The following STIP1 variants were observed in gnomAD, a reference collection of about 807,000 sequenced individuals.
STIP1 encodes stress-induced-phosphoprotein 1.
STIP1 carries 16 observed loss-of-function variants against 77.4 expected under a neutral mutation model. The ratio of observed to expected loss-of-function variants is 0.21; its 90% CI spans 0.14 to 0.31. The LOEUF is 0.31. Among genes scored for constraint, STIP1 ranks in the 10% least tolerant of loss-of-function variants. The pLI, the probability that STIP1 is intolerant of heterozygous loss-of-function variation, is 1.00. For synonymous variants in STIP1, 258 were observed against 246.6 expected (o/e 1.05, Z -0.44); for missense variants, 524 against 684.8 (o/e 0.77, Z 2.62).
chr11:64,185,861 T>C, upstream of STIP1: 1 of 1,536,110 alleles, frequency 6.5e-7, no homozygotes, highest in African/African-American at 1.4e-5. Flanking sequence ...GGTGGAAATT[T>C]CCAGAACGAT....
chr11:64,195,936 CTTGCTGTG>C, intron 5 of STIP1, 123 bp downstream of exon 5: 1 of 1,392,116 alleles, frequency 7.2e-7, no homozygotes, highest in Admixed American at 2.2e-5. Context: ...GAGACGGAGT[CTTGCTGTG>C]TTTCCCAGGT....
chr11:64,191,521 G>T (rs763214120), intron 1 of STIP1, among the ~76,000 whole-genome samples: 51 of 152,106 alleles, frequency 3.4e-4, no homozygotes, highest in Non-Finnish European at 5.7e-4. Context: ...CAGGAGAATC[G>T]CTTGAACCTA....
Position 64,197,150 on chromosome 11 carries a change from A to G in STIP1, c.673-121A>G, listed in dbSNP as rs985332603. 4.5e-6 allele frequency: 6 copies of G among 1,344,458 alleles called. No individual in the cohort carries two copies. In the African/African-American group the frequency reaches 5.9e-5, roughly 13 times the overall value. The allele number at this position is 1,344,458 out of a possible 1,614,324, so 83.3% of individuals were successfully genotyped here. ...ATAGCTGACTGATGAAGAGGCCTTC[A>G]GGAGAACTTGATAGAATTCTATTCA... On this transcript the variant is annotated intron_variant, in intron 5 of 13. Transcript: ENST00000305218.
At position 64,204,323 on chromosome 11, in the gene STIP1, C is replaced by T. The variant is rs761832631; in HGVS notation, c.*197C>T. 3.6e-5 allele frequency: 21 copies of T among 585,966 alleles called. No homozygotes were observed. The highest frequency in any genetic ancestry group is 8.9e-5 in the South Asian group (4 of 44,944). 36.3% of individuals were successfully genotyped at this position (585,966 alleles called of 1,614,324 possible). ...GCTGCCTCTGGGCCCTCCCAGCACA[C>T]GCATGGTCTCTTCACCGCTGCCCTC... is the stretch of plus-strand genomic sequence containing the variant. On this transcript the variant is annotated 3_prime_UTR_variant, in exon 14 of 14. Transcript: ENST00000305218.
chr11:64,194,102 T>C, intron 2 of STIP1, 87 bp from the exon 3 acceptor site: 1 of 1,531,566 alleles, frequency 6.5e-7, no homozygotes. Context: ...TTTTCCCCCA[T>C]AAAAGTAGAA....
At chr11:64,192,779 C>T (rs917779068) in intron 1 of STIP1, among the ~76,000 whole-genome samples, 1 of 152,222 alleles carries the variant, frequency 6.6e-6, no homozygotes, top group African/African-American at 2.4e-5. Context: ...GAGCATGTGG[C>T]ACATTCTGGA....
intron 5 of STIP1, among the ~76,000 whole-genome samples, chr11:64,196,593 A>G (rs1005493095): frequency 1.3e-5 from 2 of 152,078 alleles, no homozygotes; most frequent in Non-Finnish European, 2.9e-5. Flanking sequence ...GTCCACATCA[A>G]TCCCTAGGCC....
At chr11:64,195,865 C>T (rs1198511289) in intron 5 of STIP1, 52 bp downstream of exon 5, 3 of 1,609,180 alleles carry the variant, frequency 1.9e-6, no homozygotes, top group East Asian at 2.2e-5. Context: ...AACTAGAAAT[C>T]TTTATGTTGA....
intron 8 of STIP1, among the ~76,000 whole-genome samples, chr11:64,199,090 C>T (rs1946184612): frequency 6.6e-6 from 1 of 151,552 alleles, no homozygotes. Flanking sequence ...ATCCCAATTA[C>T]TCAGGAGGAT....
chr11:64,195,375 C>G (rs1351922951), intron 4 of STIP1, among the ~76,000 whole-genome samples: 1 of 152,146 alleles, frequency 6.6e-6, no homozygotes, highest in Non-Finnish European at 1.5e-5. Context: ...CTCGGCCTCC[C>G]AAAGTGCTGG....
chr11:64,204,319 CACACGCAT>C lies in STIP1; in HGVS notation c.*194_*201del, dbSNP rs1946259524. 3.3e-6 allele frequency: 2 copies of C among 599,100 alleles called. No homozygotes were observed. Among genetic ancestry groups the C allele is most frequent in the East Asian group, 5.7e-5 (2 of 34,824 alleles). The allele number at this position is 599,100 out of a possible 1,614,324, so 37.1% of individuals were successfully genotyped here. A position where few individuals can be genotyped will look rare whatever the true frequency, so the allele number is the denominator to read the frequency against. On this transcript the variant is annotated 3_prime_UTR_variant, in exon 14 of 14. Transcript: ENST00000305218. ...CGCCGCTGCCTCTGGGCCCTCCCAG[CACACGCAT>C]GGTCTCTTCACCGCTGCCCTCGAGT... is the stretch of plus-strand genomic sequence containing the variant.
intron 1 of STIP1, among the ~76,000 whole-genome samples, chr11:64,190,997 G>C (rs1212554832): frequency 6.6e-6 from 1 of 151,888 alleles, no homozygotes; most frequent in African/African-American, 2.4e-5. Flanking sequence ...AGACCAGCCT[G>C]ACCAACATGG....
In STIP1 at chr11:64,199,987, C is replaced by G. The variant is rs146903932; in HGVS notation, c.1071C>G (p.Pro357=). The change falls in exon 9 of 14, where the codon CCC becomes CCG. Residue 357 remains proline (P), a synonymous_variant. Transcript: ENST00000305218. ...AAGAGCGGCTGGCCTACATAAACCCCGACCTGGCTTTGGAGGAGAAGAACA... is the reference window on the plus strand; with the variant it reads ...AAGAGCGGCTGGCCTACATAAACCCGGACCTGGCTTTGGAGGAGAAGAACA... ...KEQERLAYIN[P]DLALEEKNKG... The G allele has an allele frequency of 6.2e-7, 1 of 1,614,102 alleles. No individual in the cohort carries two copies. Among genetic ancestry groups the G allele is most frequent in the Non-Finnish European group, 8.5e-7 (1 of 1,180,016 alleles).
At chr11:64,191,309 T>A (rs888210717) in intron 1 of STIP1, among the ~76,000 whole-genome samples, 1 of 149,372 alleles carries the variant, frequency 6.7e-6, no homozygotes, top group Non-Finnish European at 1.5e-5. Flanking sequence ...ATGCCATCTT[T>A]AAAAAAAAAT....
intron 8 of STIP1, among the ~76,000 whole-genome samples, chr11:64,198,618 A>T (rs1946177349): frequency 6.6e-6 from 1 of 152,160 alleles, no homozygotes; most frequent in Non-Finnish European, 1.5e-5. Context: ...AAGTGCTGGA[A>T]TTATAGGCGT....
chr11:64,197,626 A>G (rs1221441572), intron 7 of STIP1, 31 bp downstream of exon 7: 30 of 1,612,024 alleles, frequency 1.9e-5, no homozygotes, highest in Non-Finnish European at 2.5e-5. Flanking sequence ...TACCTTGAGT[A>G]GCGCGGAGGG....
chr11:64,188,343 C>CA (rs35340432), intron 1 of STIP1, among the ~76,000 whole-genome samples: 1,716 of 100,450 alleles, frequency 0.017, 23 homozygotes, highest in African/African-American at 0.049. Context: ...GACTCCATCT[C>CA]AAAAAAAAAA....
At position 64,194,512 on chromosome 11, in the gene STIP1, A is replaced by G; in HGVS notation, c.395A>G (p.Asn132Ser). The G allele has an allele frequency of 6.2e-7, 1 of 1,614,180 alleles. No homozygotes were observed. The highest frequency in any genetic ancestry group is 8.5e-7 in the Non-Finnish European group (1 of 1,180,036). The change falls in exon 4 of 14, where the codon AAT becomes AGT. Residue 132 changes from asparagine to serine, a missense_variant. Transcript: ENST00000305218. Reference sequence around the variant, plus strand: ...TTCATGAACCCTTTCAACATGCCTAATCTGTATCAGAAGTTGGAGAGTGAT... The same window carrying G: ...TTCATGAACCCTTTCAACATGCCTAGTCTGTATCAGAAGTTGGAGAGTGAT... ...RKFMNPFNMP[N>S]LYQKLESDPR...
Position 64,194,633 on chromosome 11 carries a change from C to T in STIP1, c.503+13C>T, listed in dbSNP as rs769357592. 3.5e-5 allele frequency: 57 copies of T among 1,610,172 alleles called. No individual in the cohort carries two copies. The highest frequency in any genetic ancestry group is 8.9e-5 in the East Asian group (4 of 44,822). ...CTGACCTGGGCACGTAAGTGGACGCCGCTCACTGAGGTTCTGGAAATCGGG... is the reference window on the plus strand; with the variant it reads ...CTGACCTGGGCACGTAAGTGGACGCTGCTCACTGAGGTTCTGGAAATCGGG... On this transcript the variant is annotated intron_variant, in intron 4 of 13. Transcript: ENST00000305218.
Sources: allele counts gnomAD v4.1 joint callset (sites outside exome capture counted in the v4.1 genomes callset), GRCh38; gene constraint gnomAD v4.1.1; transcripts MANE v1.5; gene names NCBI Gene and HGNC (gene_info 2026-07-23, HGNC 2026-07-21).